Variants in LIM2 observed in about 807,000 individuals in gnomAD.
The protein encoded by LIM2 is lens fiber membrane intrinsic protein.
In LIM2, 14 loss-of-function variants were observed where a neutral mutation model predicts 19.0. That is an observed-to-expected ratio of 0.74 (90% confidence interval 0.49 to 1.15). The LOEUF (loss-of-function observed/expected upper bound fraction) is 1.15. LIM2 is among the 50% of genes most tolerant of loss of function. LIM2 has a pLI of 0.00. For missense variants in LIM2, 230 were observed against 243.5 expected (o/e 0.94, Z 0.37); for synonymous variants, 78 against 89.6 (o/e 0.87, Z 0.73).
chr19:51,380,450 A>C, intron 4 of LIM2, 55 bp downstream of exon 4: 3 of 1,611,764 alleles, frequency 1.9e-6, no homozygotes, highest in Non-Finnish European at 2.5e-6. Flanking sequence ...CTTCCACTCT[A>C]TCTGCTGCCC....
intron 1 of LIM2, among the ~76,000 whole-genome samples, 191 bp from the exon 2 acceptor site, chr19:51,387,640 G>A (rs1417028495): frequency 6.6e-6 from 1 of 152,036 alleles, no homozygotes; most frequent in Non-Finnish European, 1.5e-5. Context: ...GAGGATGGTA[G>A]GGATCCTGGA....
chr19:51,381,489 A>G lies in LIM2; in HGVS notation c.326-850T>C, dbSNP rs779922019. On this transcript the variant is annotated intron_variant, in intron 3 of 4. Transcript: ENST00000596399. ...CAAGACTCCAATAAAACCTCTGGACACTGAAGCTCAGTGGCGCTCCCTATT... is the reference window on the plus strand; with the variant it reads ...CAAGACTCCAATAAAACCTCTGGACGCTGAAGCTCAGTGGCGCTCCCTATT... Among the ~76,000 whole-genome samples, 23 of 152,290 alleles carry G rather than the reference A, an allele frequency of 1.5e-4. 6 individuals are homozygous for G. The highest frequency in any genetic ancestry group is 2.6e-4 in the Admixed American group (4 of 15,302).
chr19:51,382,293 A>C, intron 3 of LIM2, 125 bp downstream of exon 3: 3 of 1,073,572 alleles, frequency 2.8e-6, no homozygotes, highest in Non-Finnish European at 4.1e-6. Context: ...TGGGGATGGG[A>C]TTAGGGTGGG....
intron 4 of LIM2, 92 bp from the exon 5 acceptor site, chr19:51,380,354 C>A (rs887124261): frequency 2.5e-6 from 4 of 1,579,798 alleles, no homozygotes; most frequent in Non-Finnish European, 8.7e-7. Context: ...CTCTTTCTCC[C>A]TGGGTATCCC....
intron 2 of LIM2, among the ~76,000 whole-genome samples, chr19:51,386,509 T>G (rs1364217516): frequency 6.7e-6 from 1 of 148,426 alleles, no homozygotes; most frequent in African/African-American, 2.4e-5. Context: ...GTATAATATA[T>G]ACATTATTAA....
intron 3 of LIM2, among the ~76,000 whole-genome samples, chr19:51,381,337 A>G (rs1447102547): frequency 3.3e-5 from 5 of 152,100 alleles, no homozygotes; most frequent in African/African-American, 1.2e-4. Flanking sequence ...AAGGAGAACA[A>G]AAAAGAAAGA....
intron 1 of LIM2, 61 bp from the exon 2 acceptor site, chr19:51,387,510 T>TG (rs1342390870): frequency 1.9e-6 from 3 of 1,604,488 alleles, no homozygotes; most frequent in South Asian, 1.1e-5. Flanking sequence ...AGGGAGGAAC[T>TG]GGGGGGAGAG....
At chr19:51,382,298 G>A in intron 3 of LIM2, 120 bp downstream of exon 3, 1 of 1,145,758 alleles carries the variant, frequency 8.7e-7, no homozygotes, top group Non-Finnish European at 1.3e-6. Flanking sequence ...ATGGGATTAG[G>A]GTGGGGTGGG....
At chr19:51,384,577 C>T (rs181875214) in intron 2 of LIM2, among the ~76,000 whole-genome samples, 149 of 152,232 alleles carry the variant, frequency 9.8e-4, no homozygotes, top group Non-Finnish European at 1.8e-3. Context: ...CCAAAGATTC[C>T]CAGAAAATCA....
In LIM2 at chr19:51,380,723, G is replaced by T. The variant is rs1986874404; in HGVS notation, c.326-84C>A. ...TGGGCAGAGAGCTGATGATGGGGGTGGGAACTAAGATTGGGGAAAGGGGTG... is the reference window on the plus strand; with the variant it reads ...TGGGCAGAGAGCTGATGATGGGGGTTGGAACTAAGATTGGGGAAAGGGGTG... On this transcript the variant is annotated intron_variant, in intron 3 of 4. Transcript: ENST00000596399. 1.3e-5 allele frequency: 20 copies of T among 1,534,090 alleles called. No individual in the cohort carries two copies. The South Asian group carries it at 2.1e-4, about 16-fold the overall frequency.
At chr19:51,383,022 CTTTTCTTTTTTT>C (rs1986940613) in intron 2 of LIM2, among the ~76,000 whole-genome samples, 1 of 109,682 alleles carries the variant, frequency 9.1e-6, no homozygotes, top group Non-Finnish European at 1.8e-5. Flanking sequence ...CTTTTTTTTT[CTTTTCTTTTTTT>C]TTTTTTTTTT....
chr19:51,385,842 G>C (rs1987025462), intron 2 of LIM2, among the ~76,000 whole-genome samples: 1 of 152,190 alleles, frequency 6.6e-6, no homozygotes, highest in African/African-American at 2.4e-5. Context: ...GGCTCCGGGA[G>C]AGATGAGTGG....
chr19:51,382,102 G>T (rs1986909510), intron 3 of LIM2, among the ~76,000 whole-genome samples: 2 of 152,204 alleles, frequency 1.3e-5, no homozygotes, highest in African/African-American at 4.8e-5. Flanking sequence ...AGCATGGGTG[G>T]CCCAGGCACC....
chr19:51,387,582 T>A (rs1987109910), intron 1 of LIM2, 133 bp from the exon 2 acceptor site: 2 of 1,331,540 alleles, frequency 1.5e-6, no homozygotes, highest in Non-Finnish European at 2.1e-6. Flanking sequence ...GACGCCTGGG[T>A]CCTGGGCGAG....
intron 3 of LIM2, among the ~76,000 whole-genome samples, chr19:51,381,278 G>C (rs1306647385): frequency 6.6e-6 from 1 of 152,038 alleles, no homozygotes; most frequent in African/African-American, 2.4e-5. Context: ...AGCTGAGATC[G>C]AGCCACTACA....
At chr19:51,381,285 T>C (rs895984727) in intron 3 of LIM2, among the ~76,000 whole-genome samples, 9 of 152,026 alleles carry the variant, frequency 5.9e-5, no homozygotes, top group African/African-American at 9.7e-5. Context: ...ATCGAGCCAC[T>C]ACACTCCAGC....
At chr19:51,385,954 C>G (rs1386719490) in intron 2 of LIM2, among the ~76,000 whole-genome samples, 1 of 152,140 alleles carries the variant, frequency 6.6e-6, no homozygotes, top group African/African-American at 2.4e-5. Context: ...AATCTCATGT[C>G]TCACTCTTAC....
chr19:51,384,852 T>G (rs8108954), intron 2 of LIM2, among the ~76,000 whole-genome samples: 19,214 of 151,816 alleles, frequency 0.13, 1,991 homozygotes, highest in African/African-American at 0.29. Flanking sequence ...TTCTTTTTGA[T>G]TATTTATTTT....
chr19:51,382,417 C>T lies in LIM2; in HGVS notation c.325+1G>A. 6.2e-7 allele frequency: 1 copy of T among 1,613,552 alleles called. No homozygotes were observed. The highest frequency in any genetic ancestry group is 8.5e-7 in the Non-Finnish European group (1 of 1,179,928). Reference sequence around the variant, plus strand: ...GGTAGGGAGAGGGTGGGCTTACTCACTTGAGGAAAAAAACATGATGCCAGC... The same window carrying T: ...GGTAGGGAGAGGGTGGGCTTACTCATTTGAGGAAAAAAACATGATGCCAGC... On this transcript the variant is annotated splice_donor_variant, in intron 3 of 4. Coordinates refer to ENST00000596399, the MANE Select transcript of LIM2 (RefSeq NM_001161748.2). LOFTEE classifies it high-confidence loss of function.
Sources: allele counts gnomAD v4.1 joint callset (sites outside exome capture counted in the v4.1 genomes callset), GRCh38; gene constraint gnomAD v4.1.1; transcripts MANE v1.5; gene names NCBI Gene and HGNC (gene_info 2026-07-23, HGNC 2026-07-21).